The following IFIH1 variants were observed in gnomAD, a reference collection of about 807,000 sequenced individuals.
IFIH1 encodes interferon-induced helicase C domain-containing protein 1.
IFIH1 carries 125 observed loss-of-function variants against 107.4 expected under a neutral mutation model. The observed-to-expected ratio is 1.16, with a 90% CI of 1.01 to 1.35. IFIH1 has a LOEUF of 1.35. Among genes scored for constraint, IFIH1 ranks in the 40% most tolerant of loss-of-function variants. The pLI, the probability that IFIH1 is intolerant of heterozygous loss-of-function variation, is 0.00. For synonymous variants in IFIH1, 458 were observed against 413.2 expected (o/e 1.11, Z -1.31); for missense variants, 1,333 against 1,213.7 (o/e 1.10, Z -1.46).
At chr2:162,288,917 GCACACACACACACACACACA>G (rs3051152) in intron 4 of IFIH1, among the ~76,000 whole-genome samples, 2 of 135,364 alleles carry the variant, frequency 1.5e-5, no homozygotes, top group African/African-American at 2.6e-5. Flanking sequence ...ATACCAAAAA[GCACACACACACACACACACA>G]CACACACACA....
chr2:162,318,009 G>C lies in IFIH1; in HGVS notation c.299C>G (p.Thr100Arg), dbSNP rs757803902. 2.2e-5 allele frequency: 36 copies of C among 1,614,084 alleles called. No individual in the cohort carries two copies. The Middle Eastern group carries it at 9.9e-4, about 44-fold the overall frequency. ...CTCAAACGATGGAGAGGGCAAGTCC[G>C]TGAGCTCAGGGTTCATGTAGCGGGC... is the stretch of plus-strand genomic sequence containing the variant. Reference protein sequence around the residue: ...LAARYMNPELTDLPSPSFENA... With the variant: ...LAARYMNPELRDLPSPSFENA... The change falls in exon 1 of 16, where the codon ACG becomes AGG. Residue 100 changes from threonine to arginine, a missense_variant. Thr to Arg is a moderately conservative substitution (Grantham distance 71, BLOSUM62 -1). Transcript: ENST00000649979.
intron 5 of IFIH1, among the ~76,000 whole-genome samples, chr2:162,283,797 G>C (rs1014666028): frequency 1.3e-5 from 2 of 151,966 alleles, no homozygotes; most frequent in Non-Finnish European, 2.9e-5. Context: ...AAATGATGGA[G>C]GCTTCCAAAA....
At chr2:162,288,609 G>A (rs1682937821) in intron 4 of IFIH1, among the ~76,000 whole-genome samples, 1 of 151,934 alleles carries the variant, frequency 6.6e-6, no homozygotes, top group Admixed American at 6.6e-5. Context: ...AGGACTGGAA[G>A]GAGCAACATG....
chr2:162,267,457 T>C lies in IFIH1; in HGVS notation c.2898+22A>G, dbSNP rs751480590. The C allele has an allele frequency of 2.5e-6, 4 of 1,611,936 alleles. No homozygotes were observed. In the East Asian group the frequency reaches 6.7e-5, roughly 27 times the overall value. ...CATTCCTGTTGGCTAAAGTAAAATC[T>C]GGCCCACAGCAATTTACTCACCTGG... On this transcript the variant is annotated intron_variant, in intron 15 of 15. Transcript: ENST00000649979.
intron 4 of IFIH1, among the ~76,000 whole-genome samples, chr2:162,291,656 AC>A (rs1682999248): frequency 1.3e-5 from 2 of 151,830 alleles, no homozygotes; most frequent in South Asian, 4.1e-4. Flanking sequence ...AGGAGGAAGG[AC>A]ATATAGAATG....
At chr2:162,275,009 C>T (rs370644715) in intron 11 of IFIH1, among the ~76,000 whole-genome samples, 1 of 152,144 alleles carries the variant, frequency 6.6e-6, no homozygotes, top group East Asian at 1.9e-4. Flanking sequence ...TCACATCTCC[C>T]GATAAAAACT....
intron 3 of IFIH1, among the ~76,000 whole-genome samples, chr2:162,299,262 C>T (rs115309345): frequency 3.0e-3 from 456 of 152,228 alleles, no homozygotes; most frequent in African/African-American, 0.01. Flanking sequence ...GCCAGGTAAC[C>T]ACATGGGAAG....
intron 5 of IFIH1, 102 bp from the exon 6 acceptor site, chr2:162,282,678 T>G: frequency 1.5e-6 from 1 of 684,378 alleles, no homozygotes; most frequent in Non-Finnish European, 2.5e-6. Context: ...AAGAGGTGTT[T>G]ACATTATCAG....
At chr2:162,274,481 C>G (rs530072582) in intron 11 of IFIH1, among the ~76,000 whole-genome samples, 1 of 152,222 alleles carries the variant, frequency 6.6e-6, no homozygotes, top group South Asian at 2.1e-4. Flanking sequence ...CTGAAAACAT[C>G]AGCTGCATCT....
intron 5 of IFIH1, among the ~76,000 whole-genome samples, chr2:162,286,041 T>A (rs931122430): frequency 6.6e-6 from 1 of 151,940 alleles, no homozygotes; most frequent in African/African-American, 2.4e-5. Context: ...TCTGCACTGG[T>A]ATGATCTTAT....
At chr2:162,281,932 AAC>A (rs1199566937) in intron 6 of IFIH1, among the ~76,000 whole-genome samples, 1 of 152,024 alleles carries the variant, frequency 6.6e-6, no homozygotes, top group Non-Finnish European at 1.5e-5. Context: ...TCAAGTGAAA[AAC>A]ACACTATTTA....
chr2:162,292,000 A>G (rs1032292272), intron 4 of IFIH1, among the ~76,000 whole-genome samples: 2 of 151,840 alleles, frequency 1.3e-5, no homozygotes, highest in African/African-American at 4.8e-5. Flanking sequence ...TTGCGTTCAG[A>G]CTTATCATGT....
intron 3 of IFIH1, among the ~76,000 whole-genome samples, chr2:162,301,144 G>A (rs1683187162): frequency 6.6e-6 from 1 of 152,050 alleles, no homozygotes. Flanking sequence ...TGGAACATAT[G>A]GGGAAATATG....
chr2:162,316,287 A>C (rs566295222), intron 1 of IFIH1, among the ~76,000 whole-genome samples: 8 of 152,200 alleles, frequency 5.3e-5, no homozygotes, highest in Non-Finnish European at 1.2e-4. Context: ...CTGTGGCTGG[A>C]AATGCCATCT....
intron 4 of IFIH1, among the ~76,000 whole-genome samples, chr2:162,292,771 T>A (rs950840801): frequency 6.6e-6 from 1 of 151,846 alleles, no homozygotes; most frequent in African/African-American, 2.4e-5. Flanking sequence ...AATTGTGAAA[T>A]ACTTCAAACA....
At position 162,281,363 on chromosome 2, in the gene IFIH1, T is replaced by C. The variant is rs769822100; in HGVS notation, c.1489A>G (p.Thr497Ala). 1.4e-5 allele frequency: 23 copies of C among 1,612,566 alleles called. No homozygotes were observed. Among genetic ancestry groups the C allele is most frequent in the Non-Finnish European group, 1.4e-5 (16 of 1,179,090 alleles). The change falls in exon 7 of 16, where the codon ACG becomes GCG. Residue 497 changes from threonine to alanine, a missense_variant. Coordinates refer to ENST00000649979, the MANE Select transcript of IFIH1 (RefSeq NM_022168.4). ...LTASPGVGGA[T>A]KQAKAEEHIL... ...TGTTCTTCAGCTTTGGCTTGCTTCG[T>C]GGCCCCTCCAACACCAGGTGAAGCT...
chr2:162,284,489 C>T (rs1558868489), intron 5 of IFIH1, among the ~76,000 whole-genome samples: 1 of 151,936 alleles, frequency 6.6e-6, no homozygotes. Context: ...ACTAAAACTT[C>T]CACGATATTT....
At chr2:162,288,550 CAGA>C (rs549826076) in intron 4 of IFIH1, among the ~76,000 whole-genome samples, 195 bp from the exon 5 acceptor site, 2 of 151,928 alleles carry the variant, frequency 1.3e-5, no homozygotes, top group Non-Finnish European at 2.9e-5. Flanking sequence ...CTCCCTCTCA[CAGA>C]AGGAGTCTGG....
At chr2:162,287,274 C>T (rs1682911359) in intron 5 of IFIH1, among the ~76,000 whole-genome samples, 2 of 151,698 alleles carry the variant, frequency 1.3e-5, no homozygotes, top group East Asian at 1.9e-4. Flanking sequence ...GAATATTTTA[C>T]AGTCTACTGC....
Sources: gnomAD v4.1 joint callset for allele counts (sites outside exome capture counted in the v4.1 genomes callset) on GRCh38, gnomAD v4.1.1 for gene constraint, MANE v1.5 for transcripts, NCBI Gene and HGNC (gene_info 2026-07-23, HGNC 2026-07-21) for gene names.